Variants in KREMEN1 observed in about 807,000 individuals in gnomAD.
The protein encoded by KREMEN1 is kremen protein 1.
Under a neutral mutation model 46.5 loss-of-function variants are expected in KREMEN1, and 30 were observed. The ratio of observed to expected loss-of-function variants is 0.65; its 90% CI spans 0.48 to 0.88. The LOEUF (loss-of-function observed/expected upper bound fraction) is 0.88, where lower values mean the gene tolerates loss of function less well. Ranked by LOEUF, KREMEN1 falls within the 40% of genes least tolerant of loss-of-function variation. KREMEN1 has a pLI of 0.00. For synonymous variants in KREMEN1, 214 were observed against 230.6 expected (o/e 0.93, Z 0.65); for missense variants, 533 against 596.9 (o/e 0.89, Z 1.11).
intron 5 of KREMEN1, among the ~76,000 whole-genome samples, chr22:29,128,579 C>G (rs2038482321): frequency 6.6e-6 from 1 of 152,106 alleles, no homozygotes. Flanking sequence ...AAAGTGCACA[C>G]CAAGTAGCAT....
At chr22:29,085,962 C>A (rs2037721630) in intron 1 of KREMEN1, among the ~76,000 whole-genome samples, 2 of 103,142 alleles carry the variant, frequency 1.9e-5, no homozygotes, top group Admixed American at 1.8e-4. Context: ...CAGAGCAATA[C>A]CCTGTCTCAA....
chr22:29,143,608 G>C lies in KREMEN1; in HGVS notation c.*1496G>C. On this transcript the variant is annotated 3_prime_UTR_variant, in exon 9 of 9. Transcript: ENST00000400335. ...ATACAAAAAATTAGCTGGGTGTGGTGGTGGGCGCCTGTAGTCCCAGCTGCT... is the reference window on the plus strand; with the variant it reads ...ATACAAAAAATTAGCTGGGTGTGGTCGTGGGCGCCTGTAGTCCCAGCTGCT... 1.6e-6 allele frequency: 1 copy of C among 630,180 alleles called. No homozygotes were observed. The highest frequency in any genetic ancestry group is 2.0e-6 in the Non-Finnish European group (1 of 505,648). 39.0% of individuals were successfully genotyped at this position (630,180 alleles called of 1,614,324 possible).
chr22:29,098,796 T>C (rs1373108307), intron 2 of KREMEN1, 66 bp from the exon 3 acceptor site: 1 of 1,202,398 alleles, frequency 8.3e-7, no homozygotes, highest in Non-Finnish European at 1.2e-6. Flanking sequence ...TCTGTAAAAC[T>C]GAAAAGCAAT....
At chr22:29,098,733 C>G (rs879111364) in intron 2 of KREMEN1, 129 bp from the exon 3 acceptor site, 1 of 687,454 alleles carries the variant, frequency 1.5e-6, no homozygotes, top group South Asian at 1.8e-5. Flanking sequence ...AGAGATGGCA[C>G]TGAGATACAG....
At chr22:29,151,444 C>G (rs1244831613), downstream of KREMEN1, among the ~76,000 whole-genome samples, 1 of 152,184 alleles carries the variant, frequency 6.6e-6, no homozygotes, top group Admixed American at 6.5e-5. Context: ...TATACAGTCT[C>G]AGATCCATTG....
intron 3 of KREMEN1, 103 bp from the exon 4 acceptor site, chr22:29,121,254 G>C (rs2038351361): frequency 1.5e-6 from 2 of 1,374,820 alleles, no homozygotes; most frequent in Admixed American, 3.8e-5. Context: ...CTCAGGAGTG[G>C]AAATACTGGC....
chr22:29,124,330 A>G (rs993122630), intron 4 of KREMEN1, among the ~76,000 whole-genome samples: 1 of 152,170 alleles, frequency 6.6e-6, no homozygotes, highest in Non-Finnish European at 1.5e-5. Flanking sequence ...ATATGATTCT[A>G]TTTATGTGAC....
chr22:29,148,057 C>T (rs779143694), downstream of KREMEN1, among the ~76,000 whole-genome samples: 2 of 152,100 alleles, frequency 1.3e-5, no homozygotes, highest in Non-Finnish European at 1.5e-5. Context: ...GATGGTGCTC[C>T]GGTACCTGAC....
chr22:29,160,331 G>C (rs132300), intron 9 of KREMEN1, among the ~76,000 whole-genome samples: 127,435 of 150,630 alleles, frequency 0.85, 54,269 homozygotes, highest in Non-Finnish European at 0.9. Flanking sequence ...AGGAGTTCGA[G>C]ACCAGCCTGC....
chr22:29,076,411 G>A (rs897891895), intron 1 of KREMEN1, among the ~76,000 whole-genome samples: 3 of 152,172 alleles, frequency 2.0e-5, no homozygotes, highest in Non-Finnish European at 2.9e-5. Flanking sequence ...ACCTGTAAGC[G>A]ACATGGGGGC....
At chr22:29,163,502 C>T (rs2039029835) in intron 9 of KREMEN1, among the ~76,000 whole-genome samples, 1 of 151,982 alleles carries the variant, frequency 6.6e-6, no homozygotes, top group Non-Finnish European at 1.5e-5. Context: ...CTCAGTCTCC[C>T]GAATAGCTGG....
intron 1 of KREMEN1, among the ~76,000 whole-genome samples, chr22:29,081,051 C>T (rs1048723796): frequency 7.0e-6 from 1 of 142,450 alleles, no homozygotes; most frequent in African/African-American, 2.6e-5. Flanking sequence ...AGGTTAGTTA[C>T]ATATGTATAC....
intron 5 of KREMEN1, among the ~76,000 whole-genome samples, chr22:29,131,560 A>G (rs739211): frequency 0.36 from 24,824 of 69,480 alleles, 3,999 homozygotes; most frequent in East Asian, 0.73. Flanking sequence ...ATATATATAT[A>G]TGTGTGTGTG....
At chr22:29,101,670 A>G (rs543018482) in intron 3 of KREMEN1, among the ~76,000 whole-genome samples, 3 of 152,350 alleles carry the variant, frequency 2.0e-5, no homozygotes, top group East Asian at 1.9e-4. Context: ...GTTTAGATAC[A>G]GAAGTACTTA....
At chr22:29,119,647 T>C (rs866717604) in intron 3 of KREMEN1, among the ~76,000 whole-genome samples, 1 of 152,192 alleles carries the variant, frequency 6.6e-6, no homozygotes, top group Non-Finnish European at 1.5e-5. Flanking sequence ...ATTGAGTGCA[T>C]AGCAGAATCA....
At position 29,144,756 on chromosome 22, in the gene KREMEN1, A is replaced by AC. The variant is rs552428396; in HGVS notation, c.*2646dup. 66 of 985,496 alleles carry AC rather than the reference A, an allele frequency of 6.7e-5. No homozygotes were observed. In the African/African-American group the frequency reaches 1.1e-3, roughly 17 times the overall value. 61.0% of individuals were successfully genotyped at this position (985,496 alleles called of 1,614,324 possible). ...GTTCAGTTGCCTGGGGCTGACACTG[A>AC]CCACTGGCCTCTGGGGTGTCCTGCA... On this transcript the variant is annotated 3_prime_UTR_variant, in exon 9 of 9. Coordinates refer to ENST00000400335, the MANE Select transcript of KREMEN1 (RefSeq NM_001039570.3).
intron 5 of KREMEN1, among the ~76,000 whole-genome samples, chr22:29,134,271 C>T (rs927920983): frequency 2.0e-5 from 3 of 151,910 alleles, no homozygotes; most frequent in East Asian, 3.9e-4. Context: ...GATCCTCCTG[C>T]GTCAGAACCC....
chr22:29,136,301 C>T (rs1217253411), intron 5 of KREMEN1, among the ~76,000 whole-genome samples: 2 of 149,936 alleles, frequency 1.3e-5, no homozygotes, highest in South Asian at 2.2e-4. Flanking sequence ...TGGCCGGGTG[C>T]GGTGGCACAT....
rs2038857558 is a variant in KREMEN1, at chr22:29,146,139, C to T, written c.*4027C>T. On this transcript the variant is annotated 3_prime_UTR_variant, in exon 9 of 9. Transcript: ENST00000400335. ...CCCACCACCTGGCACCGTTAGGTTTCAGATCTCCCGTGTGGTGTTTGATGT... is the reference window on the plus strand; with the variant it reads ...CCCACCACCTGGCACCGTTAGGTTTTAGATCTCCCGTGTGGTGTTTGATGT... 1.0e-6 allele frequency: 1 copy of T among 985,866 alleles called. No homozygotes were observed. Among genetic ancestry groups the T allele is most frequent in the African/African-American group, 1.7e-5 (1 of 57,236 alleles). The allele number at this position is 985,866 out of a possible 1,614,324, so 61.1% of individuals were successfully genotyped here.
Sources: gnomAD v4.1 joint callset for allele counts (sites outside exome capture counted in the v4.1 genomes callset) on GRCh38, gnomAD v4.1.1 for gene constraint, MANE v1.5 for transcripts, NCBI Gene and HGNC (gene_info 2026-07-23, HGNC 2026-07-21) for gene names.